The following PCDHGA6 variants were observed in gnomAD, a reference collection of about 807,000 sequenced individuals.
The protein encoded by PCDHGA6 is protocadherin gamma-A6.
In PCDHGA6, 41 loss-of-function variants were observed where a neutral mutation model predicts 60.6. The ratio of observed to expected loss-of-function variants is 0.68; its 90% confidence interval spans 0.53 to 0.88. The LOEUF is 0.88. PCDHGA6 is among the 40% of genes least tolerant of loss of function. The probability of loss-of-function intolerance (pLI) is 0.00; values close to 1 mark genes in which losing one functional copy is unlikely to be tolerated. For synonymous variants in PCDHGA6, 594 were observed against 524.4 expected, an observed-to-expected ratio of 1.13 and a Z score of -1.81; for missense variants, 1,312 against 1,203.0, an observed-to-expected ratio of 1.09 and a Z score of -1.34.
intron 1 of PCDHGA6, among the ~76,000 whole-genome samples, chr5:141,429,629 C>G (rs2097230011): frequency 1.3e-5 from 2 of 152,160 alleles, no homozygotes; most frequent in Admixed American, 1.3e-4. Flanking sequence ...TATTTTCTCA[C>G]AGCTACCTAT....
In PCDHGA6 at chr5:141,490,682, C is replaced by T. The variant is rs1286126848; in HGVS notation, c.2425-4125C>T. On this transcript the variant is annotated intron_variant, in intron 1 of 3. Coordinates refer to ENST00000517434, the MANE Select transcript of PCDHGA6 (RefSeq NM_018919.3). The surrounding 1 kb of genome is among the most constrained non-coding windows in gnomAD (Gnocchi z 5.4). ...CTTTGCACTGTGGCTGCCTCAGATC[C>T]AGACACTGGGGATAATGCCCGCCTC... 10 of 1,614,054 alleles carry T rather than the reference C, an allele frequency of 6.2e-6. No homozygotes were observed. The highest frequency in any genetic ancestry group is 3.3e-5 in the Admixed American group (2 of 60,008).
At chr5:141,427,378 C>T in intron 1 of PCDHGA6, 1 of 458,520 alleles carries the variant, frequency 2.2e-6, no homozygotes, top group Non-Finnish European at 4.4e-6. Context: ...ACGGTGATCA[C>T]TCTGTTCAAA....
chr5:141,384,709 C>G, intron 1 of PCDHGA6: 2 of 1,614,124 alleles, frequency 1.2e-6, no homozygotes, highest in South Asian at 1.1e-5. Context: ...GAACGCCTGG[C>G]TGTCATACCT....
At position 141,400,328 on chromosome 5, in the gene PCDHGA6, T is replaced by A. The variant is rs754904671; in HGVS notation, c.2424+23821T>A. ...GGTCTCTGTGTCAAGTCTGGACCTG[T>A]GGTTCCCCCCAACTACAGTCAGGGG... On this transcript the variant is annotated intron_variant, in intron 1 of 3. Coordinates refer to ENST00000517434, the MANE Select transcript of PCDHGA6 (RefSeq NM_018919.3). 80 of 1,613,976 alleles carry A rather than the reference T, an allele frequency of 5.0e-5. No homozygotes were observed. Among genetic ancestry groups the A allele is most frequent in the Non-Finnish European group, 6.4e-5 (76 of 1,179,916 alleles).
At chr5:141,403,585 C>A in intron 1 of PCDHGA6, 1 of 1,613,894 alleles carries the variant, frequency 6.2e-7, no homozygotes, top group South Asian at 1.1e-5. Context: ...ACCACCTGGT[C>A]CTCACGGCCT....
intron 1 of PCDHGA6, chr5:141,383,899 C>T (rs560928380): frequency 1.2e-6 from 2 of 1,613,958 alleles, no homozygotes; most frequent in African/African-American, 2.7e-5. Context: ...GGCAAAAGTA[C>T]TGATCACAGT....
At chr5:141,418,667 G>A (rs1561775322) in intron 1 of PCDHGA6, 1 of 1,614,036 alleles carries the variant, frequency 6.2e-7, no homozygotes, top group Admixed American at 1.7e-5. Flanking sequence ...CACTGACCAG[G>A]ACGAGGGCAT....
chr5:141,376,611 C>G lies in PCDHGA6; in HGVS notation c.2424+104C>G. 2.1e-6 allele frequency: 3 copies of G among 1,439,262 alleles called. No individual in the cohort carries two copies. The East Asian group carries it at 7.3e-5, about 35-fold the overall frequency. The allele number at this position is 1,439,262 out of a possible 1,614,324, so 89.2% of individuals were successfully genotyped here. A position where few individuals can be genotyped will look rare whatever the true frequency, so the allele number is the denominator to read the frequency against. On this transcript the variant is annotated intron_variant, in intron 1 of 3. Coordinates refer to ENST00000517434, the MANE Select transcript of PCDHGA6 (RefSeq NM_018919.3). ...GATCGGCTGTTATAGAAGCGAACCT[C>G]TTTTGGTACAGGAAGATTCGTGATT...
At position 141,431,790 on chromosome 5, in the gene PCDHGA6, C is replaced by G; in HGVS notation, c.2424+55283C>G. ...ACTGTTCTGGACGTGAACGACAATG[C>G]CCCAGAAGTGGTCCTCACCTCTCTC... On this transcript the variant is annotated intron_variant, in intron 1 of 3. Coordinates refer to ENST00000517434, the MANE Select transcript of PCDHGA6 (RefSeq NM_018919.3). The surrounding 1 kb of genome is among the most constrained non-coding windows in gnomAD (Gnocchi z 4.8). 1 of 1,614,186 alleles carries G rather than the reference C, an allele frequency of 6.2e-7. No homozygotes were observed. Among genetic ancestry groups the G allele is most frequent in the Non-Finnish European group, 8.5e-7 (1 of 1,180,016 alleles).
At chr5:141,469,836 T>C (rs2099212875) in intron 1 of PCDHGA6, among the ~76,000 whole-genome samples, 1 of 152,064 alleles carries the variant, frequency 6.6e-6, no homozygotes, top group South Asian at 2.1e-4. Flanking sequence ...ATAAAACTTA[T>C]TCTTAAGATT....
intron 1 of PCDHGA6, chr5:141,410,052 T>C: frequency 6.2e-7 from 1 of 1,613,122 alleles, no homozygotes; most frequent in Non-Finnish European, 8.5e-7. Context: ...CCCGGACTCT[T>C]CAGCCTGGGG....
intron 1 of PCDHGA6, chr5:141,422,347 G>A (rs1456770985): frequency 3.9e-6 from 6 of 1,553,980 alleles, no homozygotes; most frequent in Non-Finnish European, 5.2e-6. Context: ...AAATGTGCAA[G>A]ATCAAGATTC....
At chr5:141,503,660 C>A (rs2099827842) in intron 2 of PCDHGA6, among the ~76,000 whole-genome samples, 1 of 150,420 alleles carries the variant, frequency 6.6e-6, no homozygotes, top group Non-Finnish European at 1.5e-5. Flanking sequence ...AACAGAATTA[C>A]AACTCTTCCC....
Position 141,487,463 on chromosome 5 carries a change from G to T in PCDHGA6, c.2425-7344G>T, listed in dbSNP as rs754798527. 1 of 1,614,136 alleles carries T rather than the reference G, an allele frequency of 6.2e-7. No homozygotes were observed. The highest frequency in any genetic ancestry group is 1.7e-5 in the Admixed American group (1 of 60,016). ...GTCAGATGACCCTATCAAGTTTGTT[G>T]ATGTGGGAGGCCACTCTCATGGCTG... On this transcript the variant is annotated intron_variant, in intron 1 of 3. Coordinates refer to ENST00000517434, the MANE Select transcript of PCDHGA6 (RefSeq NM_018919.3). The surrounding 1 kb of genome is among the most constrained non-coding windows in gnomAD (Gnocchi z 5.0).
In PCDHGA6 at chr5:141,491,835, G is replaced by C; in HGVS notation, c.2425-2972G>C. On this transcript the variant is annotated intron_variant, in intron 1 of 3. Coordinates refer to ENST00000517434, the MANE Select transcript of PCDHGA6 (RefSeq NM_018919.3). The surrounding 1 kb of genome is among the most constrained non-coding windows in gnomAD (Gnocchi z 6.9). The stretch of plus-strand genomic sequence containing the variant: ...GCTGGCTGCGCTCCACCCGATTCTC[G>C]GGATCATTGGACCGTTTGCGCGAAA... 1 of 1,473,258 alleles carries C rather than the reference G, an allele frequency of 6.8e-7. No individual in the cohort carries two copies. The highest frequency in any genetic ancestry group is 9.0e-7 in the Non-Finnish European group (1 of 1,112,098). The allele number at this position is 1,473,258 out of a possible 1,614,324, so 91.3% of individuals were successfully genotyped here.
At chr5:141,390,039 C>A (rs2092026934) in intron 1 of PCDHGA6, 2 of 1,614,048 alleles carry the variant, frequency 1.2e-6, no homozygotes, top group Non-Finnish European at 1.7e-6. Flanking sequence ...CTCCTCCAGC[C>A]CCGCCTCCTG....
rs777443061 is a variant in PCDHGA6, at chr5:141,376,179, C to T, written c.2096C>T (p.Ala699Val). 5.6e-6 allele frequency: 9 copies of T among 1,614,014 alleles called. No homozygotes were observed. Among genetic ancestry groups the T allele is most frequent in the East Asian group, 4.5e-5 (2 of 44,894 alleles). Residue 699 changes from alanine (A) to valine (V), a missense_variant, in exon 1 of 4, where the codon GCG becomes GTG. By Grantham distance (64) the Ala-to-Val change is moderately conservative. Transcript: ENST00000517434. ...CTGTACCTGGTGGTGGCGGTGGCCG[C>T]GGTCTCCTGCGTCTTCCTGGCCTTC... ...LTLYLVVAVAAVSCVFLAFVI... is the reference protein window; with the variant it reads ...LTLYLVVAVAVVSCVFLAFVI...
At chr5:141,391,306 C>CTTTTTTTTTTTT in intron 1 of PCDHGA6, 1 of 146,116 alleles carries the variant, frequency 6.8e-6, no homozygotes. Flanking sequence ...TCTTTCGATT[C>CTTTTTTTTTTTT]TTTTTTTTTT....
intron 1 of PCDHGA6, chr5:141,413,663 A>T: frequency 6.2e-7 from 1 of 1,613,844 alleles, no homozygotes; most frequent in Non-Finnish European, 8.5e-7. Flanking sequence ...GAAGCTATTG[A>T]TCCGGATGTG....
Sources: allele counts gnomAD v4.1 joint callset (sites outside exome capture counted in the v4.1 genomes callset), GRCh38; gene constraint gnomAD v4.1.1; non-coding constraint Gnocchi (gnomAD v3.1); transcripts MANE v1.5; gene names NCBI Gene and HGNC (gene_info 2026-07-23, HGNC 2026-07-21).